The following CNBD1 variants were observed in gnomAD, a reference collection of about 807,000 sequenced individuals.
CNBD1 encodes cyclic nucleotide binding domain containing 1.
Under a neutral mutation model 54.4 loss-of-function variants are expected in CNBD1, and 71 were observed. The ratio of observed to expected loss-of-function variants is 1.30; its 90% CI spans 1.08 to 1.59. The LOEUF is 1.59. Ranked by LOEUF, CNBD1 falls within the 40% of genes most tolerant of loss-of-function variation. CNBD1 has a pLI of 0.00. For synonymous variants in CNBD1, 182 were observed against 170.7 expected, an observed-to-expected ratio of 1.07 and a Z score of -0.51; for missense variants, 659 against 518.0, an observed-to-expected ratio of 1.27 and a Z score of -2.64.
chr8:86,929,114 A>T (rs192667172), intron 3 of CNBD1, among the ~76,000 whole-genome samples: 2 of 152,132 alleles, frequency 1.3e-5, no homozygotes, highest in African/African-American at 2.4e-5. Flanking sequence ...CGTCTGCCCA[A>T]TGGTTTTCTT....
intron 4 of CNBD1, among the ~76,000 whole-genome samples, chr8:87,105,712 G>T (rs1279379932): frequency 6.6e-6 from 1 of 151,810 alleles, no homozygotes; most frequent in East Asian, 1.9e-4. Flanking sequence ...TTTAGGCTAA[G>T]CCTTTTTTTT....
At chr8:86,958,770 G>T (rs1293855833) in intron 4 of CNBD1, among the ~76,000 whole-genome samples, 2 of 152,112 alleles carry the variant, frequency 1.3e-5, no homozygotes, top group African/African-American at 2.4e-5. Flanking sequence ...GATAGGTCTT[G>T]ACTCTTTATC....
intron 8 of CNBD1, among the ~76,000 whole-genome samples, chr8:87,297,020 A>G (rs1392304545): frequency 2.0e-5 from 3 of 151,778 alleles, no homozygotes; most frequent in Admixed American, 2.0e-4. Context: ...CTAAAAATAC[A>G]AACAAAAATT....
intron 10 of CNBD1, among the ~76,000 whole-genome samples, chr8:87,364,333 T>C (rs1810592090): frequency 6.6e-6 from 1 of 151,902 alleles, no homozygotes; most frequent in African/African-American, 2.4e-5. Flanking sequence ...GTTTGACCAC[T>C]CATAAACTTT....
At chr8:87,226,838 G>T (rs531278300) in intron 5 of CNBD1, among the ~76,000 whole-genome samples, 9,997 of 149,080 alleles carry the variant, frequency 0.067, 1,092 homozygotes, top group African/African-American at 0.23. Context: ...TTGACAGTGG[G>T]GTGTTAAAGT....
chr8:87,249,953 C>A (rs1807879889), intron 6 of CNBD1, among the ~76,000 whole-genome samples: 1 of 152,044 alleles, frequency 6.6e-6, no homozygotes, highest in African/African-American at 2.4e-5. Context: ...GCACAGGCAA[C>A]CAAAGCATAA....
At chr8:86,979,219 T>C (rs1442634542) in intron 4 of CNBD1, among the ~76,000 whole-genome samples, 2 of 151,778 alleles carry the variant, frequency 1.3e-5, no homozygotes, top group Non-Finnish European at 2.9e-5. Flanking sequence ...TGTAGTTTTA[T>C]TATGGGCAAT....
chr8:87,321,663 T>A (rs1484935180), intron 8 of CNBD1, among the ~76,000 whole-genome samples: 1 of 152,188 alleles, frequency 6.6e-6, no homozygotes, highest in Non-Finnish European at 1.5e-5. Context: ...TATTGATTAT[T>A]TCCTTTGCTG....
chr8:87,385,977 AG>A (rs1352449253), downstream of CNBD1, among the ~76,000 whole-genome samples: 4 of 152,180 alleles, frequency 2.6e-5, no homozygotes, highest in Non-Finnish European at 5.9e-5. Flanking sequence ...GCTGTTCTGC[AG>A]CCTCCACTGC....
intron 8 of CNBD1, among the ~76,000 whole-genome samples, chr8:87,311,556 A>T (rs1375320421): frequency 6.6e-6 from 1 of 152,066 alleles, no homozygotes; most frequent in Non-Finnish European, 1.5e-5. Context: ...TTCAAAGAAA[A>T]AATGGAACTA....
chr8:87,220,323 C>A (rs984489963), intron 5 of CNBD1, among the ~76,000 whole-genome samples: 2 of 151,848 alleles, frequency 1.3e-5, no homozygotes, highest in African/African-American at 2.4e-5. Flanking sequence ...GTCCTCTGAC[C>A]AGTCACCTCA....
At chr8:86,921,638 A>G (rs1439756218) in intron 3 of CNBD1, among the ~76,000 whole-genome samples, 1 of 152,096 alleles carries the variant, frequency 6.6e-6, no homozygotes, top group Non-Finnish European at 1.5e-5. Context: ...TGCTTTATAA[A>G]ACCATCAGAT....
chr8:86,957,504 A>G (rs2130461275), intron 4 of CNBD1, among the ~76,000 whole-genome samples: 1 of 152,294 alleles, frequency 6.6e-6, no homozygotes, highest in East Asian at 1.9e-4. Flanking sequence ...CCTCAATTTC[A>G]GATCCTGTTA....
intron 1 of CNBD1, among the ~76,000 whole-genome samples, chr8:86,872,652 G>A (rs1241932172): frequency 6.6e-6 from 1 of 152,050 alleles, no homozygotes; most frequent in Non-Finnish European, 1.5e-5. Flanking sequence ...TCTCGCTGTG[G>A]ATTTAATTTG....
chr8:86,958,847 A>T (rs1406118521), intron 4 of CNBD1, among the ~76,000 whole-genome samples: 2 of 152,134 alleles, frequency 1.3e-5, no homozygotes, highest in Admixed American at 1.3e-4. Flanking sequence ...TAATATTGTT[A>T]TGTGTGAATT....
In CNBD1 at chr8:87,182,818, A is replaced by G. The variant is rs1271299160; in HGVS notation, c.432-23175A>G. Among the ~76,000 whole-genome samples the G allele has an allele frequency of 6.6e-6, 1 of 152,178 alleles. No homozygotes were observed. The highest frequency in any genetic ancestry group is 1.5e-5 in the Non-Finnish European group (1 of 68,036). Reference sequence around the variant, plus strand: ...GAACTTTGTCTGAAGCATAGTTTGCAAGTATTTTCTCCCATTTAGTAGGTT... The same window carrying G: ...GAACTTTGTCTGAAGCATAGTTTGCGAGTATTTTCTCCCATTTAGTAGGTT... On this transcript the variant is annotated intron_variant, in intron 4 of 10. Transcript: ENST00000518476. The surrounding 1 kb of genome is among the most constrained non-coding windows in gnomAD (Gnocchi z 4.1).
chr8:87,060,034 C>T (rs1262020506), intron 4 of CNBD1, among the ~76,000 whole-genome samples: 1 of 152,226 alleles, frequency 6.6e-6, no homozygotes, highest in Admixed American at 6.5e-5. Flanking sequence ...TGGGGTGACT[C>T]CTCCCAAGAA....
At chr8:86,868,759 G>A (rs759320585) in intron 1 of CNBD1, among the ~76,000 whole-genome samples, 2 of 152,062 alleles carry the variant, frequency 1.3e-5, no homozygotes, top group Non-Finnish European at 2.9e-5. Flanking sequence ...CAGAATTAAC[G>A]GTCCCAGTGA....
At chr8:86,880,091 A>C (rs1260735991) in intron 1 of CNBD1, among the ~76,000 whole-genome samples, 1 of 152,184 alleles carries the variant, frequency 6.6e-6, no homozygotes, top group Non-Finnish European at 1.5e-5. Context: ...GAACTCAGGG[A>C]CATTAGTTAG....
Sources: gnomAD v4.1 joint callset for allele counts (sites outside exome capture counted in the v4.1 genomes callset) on GRCh38, gnomAD v4.1.1 for gene constraint, Gnocchi (gnomAD v3.1) non-coding constraint, MANE v1.5 for transcripts, NCBI Gene and HGNC (gene_info 2026-07-23, HGNC 2026-07-21) for gene names.